SUPT3H: variants seen among roughly 807,000 people sequenced by gnomAD.
The protein encoded by SUPT3H is transcription initiation protein SPT3 homolog.
Under a neutral mutation model 44.3 loss-of-function variants are expected in SUPT3H, and 44 were observed. That is an observed-to-expected ratio of 0.99 (90% CI 0.78 to 1.28). The LOEUF (loss-of-function observed/expected upper bound fraction) is 1.28, where lower values mean the gene tolerates loss of function less well. Among genes scored for constraint, SUPT3H ranks in the 50% most tolerant of loss-of-function variants. The pLI is 0.00. For synonymous variants in SUPT3H, 124 were observed against 125.6 expected, an observed-to-expected ratio of 0.99 and a Z score of 0.09; for missense variants, 380 against 387.1, an observed-to-expected ratio of 0.98 and a Z score of 0.15.
chr6:45,051,197 T>C (rs1790251173), intron 3 of SUPT3H, among the ~76,000 whole-genome samples: 1 of 152,198 alleles, frequency 6.6e-6, no homozygotes, highest in East Asian at 1.9e-4. Flanking sequence ...CCTGAGGGTA[T>C]GGGAGTTTAA....
At chr6:44,960,094 G>A (rs1775790074) in intron 7 of SUPT3H, among the ~76,000 whole-genome samples, 1 of 151,950 alleles carries the variant, frequency 6.6e-6, no homozygotes, top group Non-Finnish European at 1.5e-5. Flanking sequence ...TTATACTATA[G>A]TTATTTTATA....
intron 10 of SUPT3H, among the ~76,000 whole-genome samples, chr6:44,895,254 G>GTTTT (rs60637782): frequency 1.7e-5 from 2 of 119,332 alleles, no homozygotes; most frequent in Non-Finnish European, 3.5e-5. Flanking sequence ...ACTTAGTCTT[G>GTTTT]TTTTTTTTTT....
At chr6:45,012,745 T>C (rs1050567595) in intron 5 of SUPT3H, among the ~76,000 whole-genome samples, 2 of 152,120 alleles carry the variant, frequency 1.3e-5, no homozygotes, top group Admixed American at 6.6e-5. Flanking sequence ...ATTTTGTTGT[T>C]GTTGTTGAAA....
intron 2 of SUPT3H, among the ~76,000 whole-genome samples, chr6:45,240,951 C>A (rs1031017780): frequency 3.9e-5 from 6 of 152,142 alleles, no homozygotes; most frequent in Admixed American, 2.6e-4. Context: ...CCCAGGCACA[C>A]CTGACCTTAA....
At chr6:45,167,557 T>A (rs74748442) in intron 2 of SUPT3H, among the ~76,000 whole-genome samples, 2,816 of 152,316 alleles carry the variant, frequency 0.018, 91 homozygotes, top group African/African-American at 0.063. Context: ...TTCTGCTTCA[T>A]AATTAATGTT....
intron 3 of SUPT3H, among the ~76,000 whole-genome samples, chr6:45,027,798 G>C (rs931467987): frequency 6.6e-6 from 1 of 152,072 alleles, no homozygotes; most frequent in Non-Finnish European, 1.5e-5. Context: ...TGATAATCTG[G>C]CTGAGTATAC....
rs754488701 is a variant in SUPT3H at position 44,956,840 on chromosome 6, A to G, written c.581-2233T>C. 4.7e-4 allele frequency among the ~76,000 whole-genome samples: 71 copies of G among 152,190 alleles called. 1 individual carries two copies. The highest frequency in any genetic ancestry group is 1.9e-3 in the Admixed American group (29 of 15,278). On this transcript the variant is annotated intron_variant, in intron 7 of 10. Coordinates refer to ENST00000371459, the MANE Select transcript of SUPT3H (RefSeq NM_003599.4). Reference sequence around the variant, plus strand: ...CTTCCCTACTCTAGCCATTTATTGAACACTGATACCATCAGATATTCTTTC... The same window carrying G: ...CTTCCCTACTCTAGCCATTTATTGAGCACTGATACCATCAGATATTCTTTC...
chr6:45,169,983 A>AT (rs1188380826), intron 2 of SUPT3H, among the ~76,000 whole-genome samples: 5 of 152,232 alleles, frequency 3.3e-5, no homozygotes, highest in African/African-American at 1.2e-4. Context: ...CACAGGGCAC[A>AT]GCCCCAGGGG....
chr6:45,344,660 G>A (rs1418415995), intron 2 of SUPT3H, among the ~76,000 whole-genome samples: 1 of 152,090 alleles, frequency 6.6e-6, no homozygotes, highest in Non-Finnish European at 1.5e-5. Context: ...TCAAAAGCAT[G>A]TTAACTTTTT....
intron 6 of SUPT3H, among the ~76,000 whole-genome samples, chr6:44,976,047 T>C (rs1382833768): frequency 2.0e-5 from 3 of 152,202 alleles, no homozygotes; most frequent in African/African-American, 7.2e-5. Context: ...TGCTAAAGTT[T>C]CCTTTCTTGT....
intron 2 of SUPT3H, among the ~76,000 whole-genome samples, chr6:45,258,431 G>A (rs955158028): frequency 2.6e-5 from 4 of 152,150 alleles, no homozygotes; most frequent in Admixed American, 6.5e-5. Flanking sequence ...AGGGCTCTTC[G>A]AGAAAGGTAA....
intron 6 of SUPT3H, among the ~76,000 whole-genome samples, chr6:44,999,659 G>A (rs1781753597): frequency 6.6e-6 from 1 of 151,886 alleles, no homozygotes; most frequent in African/African-American, 2.4e-5. Context: ...ATTTATTAAA[G>A]TCTTTTTTTT....
intron 2 of SUPT3H, chr6:45,322,764 A>G (rs1420959748): frequency 8.2e-6 from 6 of 733,122 alleles, no homozygotes; most frequent in African/African-American, 3.5e-5. Context: ...TAAGCCTACA[A>G]TAACTATTTT....
chr6:44,836,738 G>A (rs1313255123), intron 10 of SUPT3H, among the ~76,000 whole-genome samples: 1 of 152,024 alleles, frequency 6.6e-6, no homozygotes, highest in Non-Finnish European at 1.5e-5. Context: ...CTTTTTTGTT[G>A]TTGAGCAAAA....
intron 2 of SUPT3H, among the ~76,000 whole-genome samples, chr6:45,288,745 C>A (rs3923353): frequency 1.1e-4 from 16 of 150,718 alleles, no homozygotes; most frequent in Admixed American, 2.6e-4. Context: ...AAATATTCAC[C>A]GTTTGATAAA....
intron 2 of SUPT3H, among the ~76,000 whole-genome samples, chr6:45,239,943 A>G (rs535507935): frequency 6.6e-6 from 1 of 152,350 alleles, no homozygotes; most frequent in South Asian, 2.1e-4. Flanking sequence ...GAGCCTGCCT[A>G]AAGGCCAGAT....
intron 2 of SUPT3H, among the ~76,000 whole-genome samples, chr6:45,305,582 G>C (rs1782864618): frequency 6.6e-6 from 1 of 152,090 alleles, no homozygotes; most frequent in Non-Finnish European, 1.5e-5. Flanking sequence ...CAAGCCCTCA[G>C]CATTGTTCAC....
intron 2 of SUPT3H, among the ~76,000 whole-genome samples, chr6:45,308,874 T>C (rs868290379): frequency 6.6e-6 from 1 of 151,638 alleles, no homozygotes; most frequent in Non-Finnish European, 1.5e-5. Flanking sequence ...CTTTAAAACA[T>C]GCATATAAGC....
chr6:44,882,380 G>A (rs949619092), intron 10 of SUPT3H, among the ~76,000 whole-genome samples: 2 of 152,162 alleles, frequency 1.3e-5, no homozygotes, highest in African/African-American at 2.4e-5. Context: ...TTCTGAAATT[G>A]AGGCAGTAAT....
Sources: allele counts gnomAD v4.1 joint callset (sites outside exome capture counted in the v4.1 genomes callset), GRCh38; gene constraint gnomAD v4.1.1; transcripts MANE v1.5; gene names NCBI Gene and HGNC (gene_info 2026-07-23, HGNC 2026-07-21).